ABLIM2: variants seen among roughly 807,000 people sequenced by gnomAD.
ABLIM2 encodes actin binding LIM protein family member 2.
Under a neutral mutation model 97.7 loss-of-function variants are expected in ABLIM2, and 53 were observed. That is an observed-to-expected ratio of 0.54 (90% CI 0.44 to 0.68). ABLIM2 has a LOEUF of 0.68. Ranked by LOEUF, ABLIM2 falls within the 30% of genes least tolerant of loss-of-function variation. ABLIM2 has a pLI of 0.00. For synonymous variants in ABLIM2, 361 were observed against 345.8 expected, an observed-to-expected ratio of 1.04 and a Z score of -0.49; for missense variants, 835 against 867.2, an observed-to-expected ratio of 0.96 and a Z score of 0.47.
In ABLIM2 at chr4:8,095,402, C is replaced by T. The variant is rs1016615687; in HGVS notation, c.338+1697G>A. ...TATAGGCATGAGCTGCTGTGCCCAGCCATCACCAGCAAGTTTTGATTGGAC... is the reference window on the plus strand; with the variant it reads ...TATAGGCATGAGCTGCTGTGCCCAGTCATCACCAGCAAGTTTTGATTGGAC... On this transcript the variant is annotated intron_variant, in intron 3 of 20. Transcript: ENST00000447017. The surrounding 1 kb of genome is among the most constrained non-coding windows in gnomAD (Gnocchi z 4.7). 1.3e-5 allele frequency among the ~76,000 whole-genome samples: 2 copies of T among 152,172 alleles called. No homozygotes were observed. Among genetic ancestry groups the T allele is most frequent in the African/African-American group, 4.8e-5 (2 of 41,430 alleles).
Position 8,068,095 on chromosome 4 carries a change from C to T in ABLIM2, c.676-7041G>A, listed in dbSNP as rs1210898904. 1.3e-5 allele frequency among the ~76,000 whole-genome samples: 2 copies of T among 152,084 alleles called. No homozygotes were observed. Among genetic ancestry groups the T allele is most frequent in the African/African-American group, 4.8e-5 (2 of 41,390 alleles). On this transcript the variant is annotated intron_variant, in intron 6 of 20. Coordinates refer to ENST00000447017, the MANE Select transcript of ABLIM2 (RefSeq NM_001130083.2). The surrounding 1 kb of genome is among the most constrained non-coding windows in gnomAD (Gnocchi z 4.5). ...ATAGTGACTGGGGCGTCCCAGTCAT[C>T]GGTACAGTGGCCACATCCTCCCAAT...
In ABLIM2 at chr4:8,134,393, CGGAAACTGGG is replaced by C. The variant is rs1482140880; in HGVS notation, c.10+24277_10+24286del. ...TCCCCAAGGAGGCACTCGCCCAGGCCGGAAACTGGGCCGTCTCCTGCTGCCCCTCCCTCTC... is the reference window on the plus strand; with the variant it reads ...TCCCCAAGGAGGCACTCGCCCAGGCCCCGTCTCCTGCTGCCCCTCCCTCTC... On this transcript the variant is annotated intron_variant, in intron 1 of 20. Coordinates refer to ENST00000447017, the MANE Select transcript of ABLIM2 (RefSeq NM_001130083.2). 2.3e-4 allele frequency among the ~76,000 whole-genome samples: 35 copies of C among 152,226 alleles called. No homozygotes were observed. The East Asian group carries it at 6.6e-3, about 29-fold the overall frequency.
intron 7 of ABLIM2, among the ~76,000 whole-genome samples, chr4:8,060,338 G>A (rs1561053817): frequency 6.6e-6 from 1 of 152,178 alleles, no homozygotes; most frequent in Non-Finnish European, 1.5e-5. Flanking sequence ...AGGACGCCCC[G>A]CCTTTGTGAT....
chr4:8,042,260 A>G (rs1789195396), intron 9 of ABLIM2, among the ~76,000 whole-genome samples: 2 of 152,182 alleles, frequency 1.3e-5, no homozygotes, highest in Admixed American at 1.3e-4. Flanking sequence ...CATAGAAACT[A>G]GAAGTTCCTC....
intron 9 of ABLIM2, among the ~76,000 whole-genome samples, chr4:8,037,353 T>C (rs183951337): frequency 6.1e-5 from 8 of 131,646 alleles, no homozygotes; most frequent in Admixed American, 1.5e-4. Context: ...CACACACACA[T>C]AAGGCACACA....
intron 6 of ABLIM2, among the ~76,000 whole-genome samples, chr4:8,065,377 C>T (rs916858115): frequency 1.3e-5 from 2 of 152,184 alleles, no homozygotes; most frequent in Non-Finnish European, 2.9e-5. Flanking sequence ...AATTGCAAAT[C>T]AAAACCATAG....
intron 7 of ABLIM2, among the ~76,000 whole-genome samples, chr4:8,057,950 C>G (rs745678647): frequency 2.0e-5 from 3 of 152,234 alleles, no homozygotes; most frequent in Admixed American, 6.5e-5. Context: ...AGCCTCAAAG[C>G]CACACAGCTG....
In ABLIM2 at chr4:8,032,548, A is replaced by G. The variant is rs1781619433; in HGVS notation, c.1048-2772T>C. 1 of 1,493,838 alleles carries G rather than the reference A, an allele frequency of 6.7e-7. No individual in the cohort carries two copies. Among genetic ancestry groups the G allele is most frequent in the East Asian group, 2.3e-5 (1 of 43,770 alleles). 92.5% of individuals were successfully genotyped at this position (1,493,838 alleles called of 1,614,324 possible). ...GCCCCGGGCCCCATGGTGAAGAGCC[A>G]CCGAGGAGGCCCTTCCCGGGAGTGC... On this transcript the variant is annotated intron_variant, in intron 10 of 20. Coordinates refer to ENST00000447017, the MANE Select transcript of ABLIM2 (RefSeq NM_001130083.2). The surrounding 1 kb of genome is among the most constrained non-coding windows in gnomAD (Gnocchi z 4.3).
At position 7,992,968 on chromosome 4, in the gene ABLIM2, C is replaced by T. The variant is rs201636882; in HGVS notation, c.1619-41G>A. On this transcript the variant is annotated intron_variant, in intron 16 of 20. Coordinates refer to ENST00000447017, the MANE Select transcript of ABLIM2 (RefSeq NM_001130083.2). This position sits in a 1 kb window ranked among gnomAD's most constrained non-coding sequence, Gnocchi z 5.7. ...CACAGCTTTGTCACGCGCGCAGACTCGGTGCAGCAATGGGGGTGCAGCCCT... is the reference window on the plus strand; with the variant it reads ...CACAGCTTTGTCACGCGCGCAGACTTGGTGCAGCAATGGGGGTGCAGCCCT... 3.0e-4 allele frequency: 473 copies of T among 1,602,878 alleles called. 2 individuals carry two copies. The African/African-American group carries it at 3.8e-3, about 13-fold the overall frequency.
At chr4:8,138,091 T>G (rs561804704) in intron 1 of ABLIM2, among the ~76,000 whole-genome samples, 2 of 152,276 alleles carry the variant, frequency 1.3e-5, no homozygotes, top group East Asian at 3.9e-4. Context: ...AGGATTCCAC[T>G]GATAGGAGGC....
At position 8,020,540 on chromosome 4, in the gene ABLIM2, C is replaced by A; in HGVS notation, c.1268-237G>T. On this transcript the variant is annotated intron_variant, in intron 12 of 20. Transcript: ENST00000447017. Reference sequence around the variant, plus strand: ...TGTCCAGAGTCCCAAGGCAGAGGAGCGACATTGCTGAGGGCAGAGGGCTGG... The same window carrying A: ...TGTCCAGAGTCCCAAGGCAGAGGAGAGACATTGCTGAGGGCAGAGGGCTGG... 3 of 618,088 alleles carry A rather than the reference C, an allele frequency of 4.9e-6. No homozygotes were observed. The South Asian group carries it at 5.4e-5, about 11-fold the overall frequency. The allele number at this position is 618,088 out of a possible 1,614,324, so 38.3% of individuals were successfully genotyped here.
At chr4:8,076,792 CAG>C (rs1816326223) in intron 6 of ABLIM2, among the ~76,000 whole-genome samples, 1 of 109,938 alleles carries the variant, frequency 9.1e-6, no homozygotes, top group African/African-American at 3.6e-5. Flanking sequence ...TCTGTGAACC[CAG>C]AGAGGGTGGG....
At chr4:8,037,512 A>G (rs1465771089) in intron 9 of ABLIM2, among the ~76,000 whole-genome samples, 1 of 151,814 alleles carries the variant, frequency 6.6e-6, no homozygotes, top group Non-Finnish European at 1.5e-5. Flanking sequence ...GTGCTCACAC[A>G]TGCAATCACT....
Position 8,078,723 on chromosome 4 carries a change from A to G in ABLIM2, c.582-1002T>C, listed in dbSNP as rs73796846. 7.7e-3 allele frequency among the ~76,000 whole-genome samples: 1,168 copies of G among 152,304 alleles called. 15 individuals are homozygous for G. The highest frequency in any genetic ancestry group is 0.027 in the African/African-American group (1,106 of 41,570). On this transcript the variant is annotated intron_variant, in intron 5 of 20. Transcript: ENST00000447017. ...AACTCACTTAACCTCTCTGAGCCTC[A>G]GCTTCCCCAACTGCATAATGGGGGA... is the stretch of plus-strand genomic sequence containing the variant.
At chr4:8,024,155 C>G (rs1333148891) in intron 12 of ABLIM2, among the ~76,000 whole-genome samples, 1 of 152,154 alleles carries the variant, frequency 6.6e-6, no homozygotes, top group Non-Finnish European at 1.5e-5. Flanking sequence ...TCCCAGGGCC[C>G]CTCCCTCCTT....
rs573734215 is a variant in ABLIM2 at position 8,073,667 on chromosome 4, C to T, written c.675+3961G>A. On this transcript the variant is annotated intron_variant, in intron 6 of 20. Transcript: ENST00000447017. ...GATATGATCGCCACCCAGGAAAATA[C>T]TTATAGGACAGACAGAACATCTGCA... Among the ~76,000 whole-genome samples the T allele has an allele frequency of 5.3e-5, 8 of 152,318 alleles. No homozygotes were observed. In the East Asian group the frequency reaches 1.5e-3, roughly 29 times the overall value.
At chr4:7,983,430 C>T in intron 19 of ABLIM2, 86 bp from the exon 20 acceptor site, 1 of 1,577,484 alleles carries the variant, frequency 6.3e-7, no homozygotes, top group South Asian at 1.2e-5. Flanking sequence ...ACCGAGAATA[C>T]ATACTTGCGT....
intron 16 of ABLIM2, chr4:8,007,585 C>T (rs1762256486): frequency 2.0e-6 from 2 of 988,006 alleles, no homozygotes; most frequent in Non-Finnish European, 1.2e-6. Flanking sequence ...GTCAGGCAGA[C>T]ACCATCACTG....
intron 1 of ABLIM2, among the ~76,000 whole-genome samples, chr4:8,137,514 A>G (rs564300342): frequency 1.1e-3 from 169 of 152,320 alleles, no homozygotes; most frequent in African/African-American, 3.9e-3. Context: ...GTGCAAAGAC[A>G]CAGGGCTGGG....
Sources: gnomAD v4.1 joint callset for allele counts (sites outside exome capture counted in the v4.1 genomes callset) on GRCh38, gnomAD v4.1.1 for gene constraint, Gnocchi (gnomAD v3.1) non-coding constraint, MANE v1.5 for transcripts, NCBI Gene and HGNC (gene_info 2026-07-23, HGNC 2026-07-21) for gene names.